The following BCR variants were observed in gnomAD, a reference collection of about 807,000 sequenced individuals.
BCR encodes BCR activator of RhoGEF and GTPase, also known as breakpoint cluster region protein.
In BCR, 58 loss-of-function variants were observed where a neutral mutation model predicts 138.6. The ratio of observed to expected loss-of-function variants is 0.42; its 90% CI spans 0.34 to 0.52. The LOEUF is 0.52. BCR is among the 20% of genes least tolerant of loss of function. The pLI is 0.06. For missense variants in BCR, 1,599 were observed against 1,727.2 expected, an observed-to-expected ratio of 0.93 and a Z score of 1.32; for synonymous variants, 786 against 730.1, an observed-to-expected ratio of 1.08 and a Z score of -1.23.
rs1233308772 is a variant in BCR at position 23,283,874 on chromosome 22, G to C, written c.2116-103G>C. 3 of 1,402,118 alleles carry C rather than the reference G, an allele frequency of 2.1e-6. No individual in the cohort carries two copies. The African/African-American group carries it at 4.4e-5, about 20-fold the overall frequency. 86.9% of individuals were successfully genotyped at this position (1,402,118 alleles called of 1,614,324 possible). ...AGGGAGTGAAATCTTCCCAGGGAGA[G>C]AATGTCTCTGGGTCAACCTGCTCCT... On this transcript the variant is annotated intron_variant, in intron 8 of 22. Transcript: ENST00000305877.
In BCR at chr22:23,180,512, G is replaced by A. The variant is rs1359851080; in HGVS notation, c.-449G>A. On this transcript the variant is annotated 5_prime_UTR_variant, in exon 1 of 23. Transcript: ENST00000305877. ...CCGGCCCTCCCCTTCCTGCGGCGCA[G>A]AGTGCGGGCCGGGCGGGAGTGCGGC... The A allele has an allele frequency of 5.9e-6, 1 of 168,724 alleles. No individual in the cohort carries two copies. The highest frequency in any genetic ancestry group is 1.3e-5 in the Non-Finnish European group (1 of 78,748). 10.5% of individuals were successfully genotyped at this position (168,724 alleles called of 1,614,324 possible).
chr22:23,199,404 C>T (rs982871747), intron 1 of BCR: 37 of 463,332 alleles, frequency 8.0e-5, no homozygotes, highest in African/African-American at 7.2e-4. Flanking sequence ...TCTCAGGTTC[C>T]AGAAACTCTG....
chr22:23,188,531 A>G (rs1047399748), intron 1 of BCR, among the ~76,000 whole-genome samples: 2 of 152,220 alleles, frequency 1.3e-5, no homozygotes, highest in African/African-American at 4.8e-5. Context: ...AGGACACAGC[A>G]GTGCATGAGG....
chr22:23,263,164 A>AGGAGGC, intron 4 of BCR: 1 of 772,066 alleles, frequency 1.3e-6, no homozygotes, highest in Non-Finnish European at 2.0e-6. Flanking sequence ...GAGGAGGAGG[A>AGGAGGC]GGAGGCGGCT....
At chr22:23,237,431 T>C (rs1459104289) in intron 1 of BCR, among the ~76,000 whole-genome samples, 2 of 152,198 alleles carry the variant, frequency 1.3e-5, no homozygotes, top group South Asian at 2.1e-4. Flanking sequence ...ACACCCACAA[T>C]GACAGCTGGG....
intron 8 of BCR, among the ~76,000 whole-genome samples, chr22:23,274,514 G>A (rs868225480): frequency 4.6e-5 from 7 of 152,178 alleles, no homozygotes; most frequent in South Asian, 2.1e-4. Context: ...GCACTGAGGC[G>A]AGGGGAGCTG....
intron 4 of BCR, chr22:23,264,590 G>C: frequency 2.5e-6 from 1 of 395,604 alleles, no homozygotes; most frequent in South Asian, 2.9e-5. Context: ...TGCTGCTTTA[G>C]AGGAGTGCAG....
At chr22:23,314,158 C>T (rs1334859136) in intron 21 of BCR, 85 bp downstream of exon 21, 20 of 1,108,152 alleles carry the variant, frequency 1.8e-5, no homozygotes, top group South Asian at 1.1e-4. Flanking sequence ...CCCCCAACAC[C>T]GAGGACCTTT....
At chr22:23,275,006 C>T (rs1602092618) in intron 8 of BCR, among the ~76,000 whole-genome samples, 1 of 152,192 alleles carries the variant, frequency 6.6e-6, no homozygotes, top group East Asian at 1.9e-4. Context: ...CGGGCCCTGT[C>T]CTCAGGGCCC....
At chr22:23,268,543 T>G (rs756440196) in intron 5 of BCR, 28 bp downstream of exon 5, 3 of 1,581,054 alleles carry the variant, frequency 1.9e-6, no homozygotes, top group African/African-American at 1.3e-5. Flanking sequence ...TTCAGACAGG[T>G]GCACCGCTGA....
In BCR at chr22:23,181,404, C is replaced by T. The variant is rs779857152; in HGVS notation, c.444C>T (p.Pro148=). ...ASGERDDRGP[P]ASVAALRSNF... ...GGGAACGGGACGACCGGGGACCCCC[C>T]GCCAGCGTGGCGGCGCTCAGGTCCA... The change falls in exon 1 of 23, where the codon CCC becomes CCT. Residue 148 remains proline (P), a synonymous_variant. Transcript: ENST00000305877. 18 of 1,567,500 alleles carry T rather than the reference C, an allele frequency of 1.1e-5. No individual in the cohort carries two copies. In the African/African-American group the frequency reaches 2.3e-4, roughly 20 times the overall value.
chr22:23,241,977 G>A (rs552945426), intron 1 of BCR, among the ~76,000 whole-genome samples: 9 of 152,102 alleles, frequency 5.9e-5, no homozygotes, highest in East Asian at 3.9e-4. Flanking sequence ...TTTCCCAGCT[G>A]TACCCCCTTT....
At chr22:23,222,702 T>C (rs1249571318) in intron 1 of BCR, among the ~76,000 whole-genome samples, 3 of 152,172 alleles carry the variant, frequency 2.0e-5, no homozygotes, top group South Asian at 2.1e-4. Flanking sequence ...TGTCTGGGCC[T>C]GTGAAGCTGA....
intron 17 of BCR, chr22:23,309,868 A>G (rs932649481): frequency 1.8e-5 from 6 of 332,062 alleles, no homozygotes; most frequent in Non-Finnish European, 2.2e-5. Context: ...AAATGGTAAA[A>G]TGTTAATATT....
intron 1 of BCR, among the ~76,000 whole-genome samples, chr22:23,230,057 T>C (rs544700580): frequency 7.5e-4 from 114 of 151,614 alleles, no homozygotes; most frequent in South Asian, 1.3e-3. Flanking sequence ...TGGTTCTTTT[T>C]TTTTTTTCCT....
intron 1 of BCR, chr22:23,198,103 A>G (rs1268102021): frequency 7.2e-6 from 2 of 277,694 alleles, no homozygotes; most frequent in Non-Finnish European, 1.5e-5. Flanking sequence ...CGGAAAGGCT[A>G]AAAGGAAGTG....
At chr22:23,241,961 A>G (rs989454820) in intron 1 of BCR, among the ~76,000 whole-genome samples, 1 of 152,138 alleles carries the variant, frequency 6.6e-6, no homozygotes, top group Non-Finnish European at 1.5e-5. Flanking sequence ...GCCAGCCTGT[A>G]TCCCCTTTCC....
Position 23,238,957 on chromosome 22 carries a change from C to T in BCR, c.1280-14842C>T, listed in dbSNP as rs1602052013. Among the ~76,000 whole-genome samples the T allele has an allele frequency of 3.9e-5, 6 of 152,196 alleles. No homozygotes were observed. The South Asian group carries it at 1.2e-3, about 32-fold the overall frequency. Reference sequence around the variant, plus strand: ...TCAGGCCTCAAACTCTCCTCTGGGCCATTTCCTTCTTTTTCTCAACAGAAA... The same window carrying T: ...TCAGGCCTCAAACTCTCCTCTGGGCTATTTCCTTCTTTTTCTCAACAGAAA... On this transcript the variant is annotated intron_variant, in intron 1 of 22. Transcript: ENST00000305877.
At chr22:23,315,289 C>A in intron 22 of BCR, 144 bp from the exon 23 acceptor site, 1 of 701,274 alleles carries the variant, frequency 1.4e-6, no homozygotes, top group African/African-American at 1.8e-5. Context: ...ACCCCACCCC[C>A]ATCTCACTGT....
Sources: gnomAD v4.1 joint callset for allele counts (sites outside exome capture counted in the v4.1 genomes callset) on GRCh38, gnomAD v4.1.1 for gene constraint, MANE v1.5 for transcripts, NCBI Gene and HGNC (gene_info 2026-07-23, HGNC 2026-07-21) for gene names.